The following BMP6 variants were observed in gnomAD, a reference collection of about 807,000 sequenced individuals.
BMP6 encodes VG-1-R.
A neutral mutation model predicts 54.1 loss-of-function variants in BMP6; 17 were observed. The observed-to-expected ratio is 0.31, with a 90% CI of 0.22 to 0.47. The LOEUF is 0.47. BMP6 is among the 20% of genes least tolerant of loss of function. The pLI is 1.00. For synonymous variants in BMP6, 328 were observed against 291.2 expected, an observed-to-expected ratio of 1.13 and a Z score of -1.28; for missense variants, 720 against 690.4, an observed-to-expected ratio of 1.04 and a Z score of -0.48.
chr6:7,773,571 ATG>A (rs1757820662), intron 1 of BMP6, among the ~76,000 whole-genome samples: 1 of 152,230 alleles, frequency 6.6e-6, no homozygotes, highest in Non-Finnish European at 1.5e-5. Context: ...CAATAGCAGA[ATG>A]TGCACAGTAG....
chr6:7,759,718 TTTG>T (rs1446817063), intron 1 of BMP6, among the ~76,000 whole-genome samples: 5 of 143,982 alleles, frequency 3.5e-5, no homozygotes, highest in African/African-American at 1.3e-4. Context: ...TTTTTTTTTT[TTTG>T]GAGACTGAAT....
At chr6:7,730,161 T>TGA (rs1761826934) in intron 1 of BMP6, among the ~76,000 whole-genome samples, 1 of 152,230 alleles carries the variant, frequency 6.6e-6, no homozygotes, top group South Asian at 2.1e-4. Flanking sequence ...CCTTATTCCT[T>TGA]GCTTCTCTGA....
At chr6:7,852,304 G>A (rs753360148) in intron 2 of BMP6, among the ~76,000 whole-genome samples, 28 of 152,186 alleles carry the variant, frequency 1.8e-4, no homozygotes, top group African/African-American at 2.7e-4. Context: ...TGGGCACAGC[G>A]GCTCACATCT....
chr6:7,831,341 A>C (rs933395654), intron 1 of BMP6, among the ~76,000 whole-genome samples: 2 of 152,208 alleles, frequency 1.3e-5, no homozygotes, highest in Non-Finnish European at 2.9e-5. Context: ...GGCTTTGTGT[A>C]GAGGCGATGA....
chr6:7,768,847 G>A (rs775105843), intron 1 of BMP6, among the ~76,000 whole-genome samples: 1 of 152,056 alleles, frequency 6.6e-6, no homozygotes, highest in African/African-American at 2.4e-5. Flanking sequence ...CTTTCTTGTT[G>A]TACTCATCAC....
intron 3 of BMP6, among the ~76,000 whole-genome samples, 166 bp downstream of exon 3, chr6:7,861,765 G>A (rs1276486775): frequency 2.0e-5 from 3 of 152,144 alleles, no homozygotes; most frequent in East Asian, 1.9e-4. Flanking sequence ...AACCTTTCCC[G>A]GAGGCCTCCT....
At chr6:7,850,637 A>G (rs1429781219) in intron 2 of BMP6, among the ~76,000 whole-genome samples, 1 of 152,256 alleles carries the variant, frequency 6.6e-6, no homozygotes, top group Admixed American at 6.5e-5. Context: ...TTTTAGTTTG[A>G]TACTGCACTC....
intron 2 of BMP6, among the ~76,000 whole-genome samples, chr6:7,856,120 TAA>T (rs56264814): frequency 8.4e-5 from 7 of 83,664 alleles, no homozygotes; most frequent in East Asian, 5.3e-4. Context: ...TCAAAGACTG[TAA>T]AAAAAAAAAA....
intron 1 of BMP6, among the ~76,000 whole-genome samples, chr6:7,735,498 T>C (rs1761940646): frequency 6.6e-6 from 1 of 152,240 alleles, no homozygotes; most frequent in Admixed American, 6.5e-5. Flanking sequence ...AGTTTTTACT[T>C]AATTTTGATT....
At position 7,849,650 on chromosome 6, in the gene BMP6, A is replaced by G. The variant is rs1004895949; in HGVS notation, c.857+4318A>G. ...ACGTTTTTTACTTGGTTAAAGGCATACTTTTACTGTTGTAATTGAATTTTG... is the reference window on the plus strand; with the variant it reads ...ACGTTTTTTACTTGGTTAAAGGCATGCTTTTACTGTTGTAATTGAATTTTG... On this transcript the variant is annotated intron_variant, in intron 2 of 6. Transcript: ENST00000283147. Among the ~76,000 whole-genome samples the G allele has an allele frequency of 2.6e-5, 4 of 152,238 alleles. No individual in the cohort carries two copies. In the East Asian group the frequency reaches 7.7e-4, roughly 29 times the overall value.
At chr6:7,743,585 C>A (rs1008269674) in intron 1 of BMP6, among the ~76,000 whole-genome samples, 3 of 152,178 alleles carry the variant, frequency 2.0e-5, no homozygotes, top group Non-Finnish European at 2.9e-5. Flanking sequence ...TGCTCTCCCT[C>A]CCTCTCTCAT....
rs1581241516 is a variant in BMP6 at position 7,772,955 on chromosome 6, T to C, written c.664+45336T>C. On this transcript the variant is annotated intron_variant, in intron 1 of 6. Transcript: ENST00000283147. ...CTTGTGGTGCTTTAATTTGTCTTAA[T>C]TGAGTTCATTAGGCGTTGATTTTAA... is the stretch of plus-strand genomic sequence containing the variant. Among the ~76,000 whole-genome samples the C allele has an allele frequency of 3.3e-5, 5 of 152,330 alleles. No individual in the cohort carries two copies. In the South Asian group the frequency reaches 6.2e-4, roughly 19 times the overall value.
At chr6:7,868,560 C>G (rs193003461) in intron 4 of BMP6, among the ~76,000 whole-genome samples, 2 of 152,350 alleles carry the variant, frequency 1.3e-5, no homozygotes, top group South Asian at 4.1e-4. Context: ...GCCACTTTAA[C>G]GACCTCTATG....
At chr6:7,825,684 C>T (rs752939610) in intron 1 of BMP6, among the ~76,000 whole-genome samples, 6 of 151,034 alleles carry the variant, frequency 4.0e-5, no homozygotes, top group Non-Finnish European at 8.8e-5. Flanking sequence ...TGTGTCATTG[C>T]GCTCCAGCCT....
chr6:7,863,542 C>T (rs1243958291), intron 4 of BMP6, among the ~76,000 whole-genome samples: 2 of 152,154 alleles, frequency 1.3e-5, no homozygotes, highest in African/African-American at 4.8e-5. Context: ...GCTGGGGTTG[C>T]GTCCTCCAAC....
chr6:7,814,821 G>A (rs2113216213), intron 1 of BMP6, among the ~76,000 whole-genome samples: 1 of 152,204 alleles, frequency 6.6e-6, no homozygotes, highest in Non-Finnish European at 1.5e-5. Flanking sequence ...GGCCTGTCGG[G>A]GTGAGGCAGG....
chr6:7,844,629 C>T (rs557968826), intron 1 of BMP6, among the ~76,000 whole-genome samples: 1 of 152,272 alleles, frequency 6.6e-6, no homozygotes, highest in South Asian at 2.1e-4. Context: ...CGCAGCCATC[C>T]CCACCAATGT....
At chr6:7,841,759 G>A (rs916411982) in intron 1 of BMP6, among the ~76,000 whole-genome samples, 12 of 152,158 alleles carry the variant, frequency 7.9e-5, no homozygotes, top group Non-Finnish European at 1.5e-4. Context: ...TAAGGAAGCC[G>A]TGCATCTTTT....
chr6:7,769,446 G>C (rs907750394), intron 1 of BMP6, among the ~76,000 whole-genome samples: 1 of 152,172 alleles, frequency 6.6e-6, no homozygotes, highest in African/African-American at 2.4e-5. Context: ...GTTTGCTATC[G>C]CCTGGCTTTT....
Sources: gnomAD v4.1 joint callset for allele counts (sites outside exome capture counted in the v4.1 genomes callset) on GRCh38, gnomAD v4.1.1 for gene constraint, MANE v1.5 for transcripts, NCBI Gene and HGNC (gene_info 2026-07-23, HGNC 2026-07-21) for gene names.